The following GRIN2A variants were observed in gnomAD, a reference collection of about 807,000 sequenced individuals.
GRIN2A encodes the protein glutamate receptor ionotropic, NMDA 2A.
Under a neutral mutation model 113.4 loss-of-function variants are expected in GRIN2A, and 22 were observed. That is an observed-to-expected ratio of 0.19 (90% CI 0.14 to 0.28). The LOEUF is 0.28. Ranked by LOEUF, GRIN2A falls within the 10% of genes least tolerant of loss-of-function variation. The pLI, the probability that GRIN2A is intolerant of heterozygous loss-of-function variation, is 1.00. For missense variants in GRIN2A, 1,502 were observed against 1,887.0 expected, an observed-to-expected ratio of 0.80 and a Z score of 3.78; for synonymous variants, 827 against 738.4, an observed-to-expected ratio of 1.12 and a Z score of -1.94.
intron 2 of GRIN2A, among the ~76,000 whole-genome samples, chr16:10,149,021 C>T (rs1446369817): frequency 1.3e-5 from 2 of 152,132 alleles, no homozygotes; most frequent in African/African-American, 4.8e-5. Flanking sequence ...AAAATGAAAA[C>T]AGTTGAACCC....
intron 3 of GRIN2A, among the ~76,000 whole-genome samples, chr16:9,900,196 G>A (rs994600875): frequency 2.0e-5 from 3 of 152,208 alleles, no homozygotes; most frequent in Admixed American, 1.3e-4. Context: ...AAATGCTGGA[G>A]AATCATTTTG....
At chr16:9,790,077 C>T (rs1279062018) in intron 11 of GRIN2A, among the ~76,000 whole-genome samples, 9 of 152,186 alleles carry the variant, frequency 5.9e-5, no homozygotes, top group African/African-American at 1.9e-4. Context: ...TCCTGTCTTG[C>T]CTCTACTGTG....
rs541717545 is a variant in GRIN2A at position 10,050,370 on chromosome 16, T to C, written c.415-111819A>G. On this transcript the variant is annotated intron_variant, in intron 2 of 12. Transcript: ENST00000330684. ...AGGAGGTGAGCGGCAGGTGAGCAAGTGAAGCTTTATCTGTATTTATAGCTG... is the reference window on the plus strand; with the variant it reads ...AGGAGGTGAGCGGCAGGTGAGCAAGCGAAGCTTTATCTGTATTTATAGCTG... Among the ~76,000 whole-genome samples, 10 of 152,220 alleles carry C rather than the reference T, an allele frequency of 6.6e-5. No homozygotes were observed. The South Asian group carries it at 1.9e-3, about 28-fold the overall frequency.
chr16:9,833,878 C>A (rs1476965655), intron 8 of GRIN2A, among the ~76,000 whole-genome samples: 1 of 152,116 alleles, frequency 6.6e-6, no homozygotes, highest in African/African-American at 2.4e-5. Context: ...TGCCACCATG[C>A]CCAGCTAATT....
chr16:10,118,028 T>G (rs1242645719), intron 2 of GRIN2A, among the ~76,000 whole-genome samples: 1 of 152,122 alleles, frequency 6.6e-6, no homozygotes, highest in Non-Finnish European at 1.5e-5. Context: ...CAGCCAATGA[T>G]AATCTTGGGG....
At position 9,937,987 on chromosome 16, in the gene GRIN2A, G is replaced by T. The variant is rs771168389; in HGVS notation, c.979C>A (p.Pro327Thr). 6.2e-7 allele frequency: 1 copy of T among 1,613,842 alleles called. No individual in the cohort carries two copies. The highest frequency in any genetic ancestry group is 1.1e-5 in the South Asian group (1 of 91,068). The change falls in exon 3 of 13, where the codon CCA (proline) becomes ACA (threonine). Residue 327 changes from proline to threonine, a missense_variant. Pro to Thr is a conservative substitution (Grantham distance 38). This residue lies in a region of GRIN2A where 334 missense variants were observed against 403.0 expected (regional missense o/e 0.83). Coordinates refer to ENST00000330684, the MANE Select transcript of GRIN2A (RefSeq NM_001134407.3). ...TGCAAGGTGTGCATCGGGACCTCTGGCCTCTCCATCTGCCCGTAGCAGCTG... is the reference window on the plus strand; with the variant it reads ...TGCAAGGTGTGCATCGGGACCTCTGTCCTCTCCATCTGCCCGTAGCAGCTG... ...KASCYGQMERPEVPMHTLHPF... is the reference protein window; with the variant it reads ...KASCYGQMERTEVPMHTLHPF...
chr16:10,141,277 T>A (rs967301987), intron 2 of GRIN2A, among the ~76,000 whole-genome samples: 1 of 151,564 alleles, frequency 6.6e-6, no homozygotes, highest in African/African-American at 2.4e-5. Context: ...GATCATGAGG[T>A]CAGGAGTTCG....
intron 2 of GRIN2A, among the ~76,000 whole-genome samples, chr16:10,119,948 G>T (rs1234176451): frequency 6.6e-6 from 1 of 152,170 alleles, no homozygotes; most frequent in Non-Finnish European, 1.5e-5. Context: ...ACTCCATGCT[G>T]TATATGTACC....
intron 2 of GRIN2A, among the ~76,000 whole-genome samples, chr16:10,097,665 G>A (rs1415208463): frequency 2.6e-5 from 4 of 152,274 alleles, no homozygotes; most frequent in Admixed American, 2.6e-4. Context: ...GACAGGGATG[G>A]CTGATAAATG....
At chr16:9,900,524 C>T (rs2141514489) in intron 3 of GRIN2A, among the ~76,000 whole-genome samples, 1 of 152,268 alleles carries the variant, frequency 6.6e-6, no homozygotes, top group South Asian at 2.1e-4. Context: ...TATGACTCTC[C>T]TCCTCCCAAC....
In GRIN2A at chr16:9,760,619, G is replaced by A. The variant is rs2141119538; in HGVS notation, c.*2530C>T. 1 of 222,624 alleles carries A rather than the reference G, an allele frequency of 4.5e-6. No individual in the cohort carries two copies. The highest frequency in any genetic ancestry group is 6.6e-5 in the East Asian group (1 of 15,246). 13.8% of individuals were successfully genotyped at this position (222,624 alleles called of 1,614,324 possible). A position where few individuals can be genotyped will look rare whatever the true frequency, so the allele number is the denominator to read the frequency against. On this transcript the variant is annotated 3_prime_UTR_variant, in exon 13 of 13. Coordinates refer to ENST00000330684, the MANE Select transcript of GRIN2A (RefSeq NM_001134407.3). Reference sequence around the variant, plus strand: ...GGTTAATAGCAGAAATAATGCTGCTGTTAGGGGAAGGCTTTCTGACCGATG... The same window carrying A: ...GGTTAATAGCAGAAATAATGCTGCTATTAGGGGAAGGCTTTCTGACCGATG...
At position 9,764,463 on chromosome 16, in the gene GRIN2A, G is replaced by A; in HGVS notation, c.3081C>T (p.Ser1027=). 1.2e-6 allele frequency: 2 copies of A among 1,614,062 alleles called. No individual in the cohort carries two copies. Among genetic ancestry groups the A allele is most frequent in the Non-Finnish European group, 1.7e-6 (2 of 1,179,990 alleles). ...CATCCCTCTGGGAGACTGGATTCTGGGATAGTGAATCCTGGCGTATGGAAT... is the reference window on the plus strand; with the variant it reads ...CATCCCTCTGGGAGACTGGATTCTGAGATAGTGAATCCTGGCGTATGGAAT... The part of the protein sequence containing the change: ...SVDSIRQDSL[S]QNPVSQRDEA... Residue 1027 remains serine, a synonymous_variant, in exon 13 of 13, where the codon TCC becomes TCT. Coordinates refer to ENST00000330684, the MANE Select transcript of GRIN2A (RefSeq NM_001134407.3).
intron 2 of GRIN2A, among the ~76,000 whole-genome samples, chr16:10,116,436 A>T (rs1236408358): frequency 1.3e-5 from 2 of 152,240 alleles, no homozygotes; most frequent in African/African-American, 4.8e-5. Context: ...TAACAAACCT[A>T]TGTTCTGTAC....
chr16:9,872,866 C>T (rs1301660477), intron 4 of GRIN2A, among the ~76,000 whole-genome samples: 2 of 142,642 alleles, frequency 1.4e-5, no homozygotes, highest in African/African-American at 5.2e-5. Flanking sequence ...CCTATCTCTA[C>T]AAAAACAAAA....
chr16:9,797,742 C>T (rs1298193965), intron 11 of GRIN2A, among the ~76,000 whole-genome samples: 1 of 152,186 alleles, frequency 6.6e-6, no homozygotes, highest in East Asian at 1.9e-4. Flanking sequence ...CAACCACAGC[C>T]TACCAACATG....
rs1567266344 is a variant in GRIN2A at position 10,055,065 on chromosome 16, AAAAAAAAAAAAAAAAAAAAAGAAAAAAG to A, written c.415-116542_415-116515del. ...TCTATCTCAAAAAAAAAAAAAAAAAAAAAAAAAAAAAAAAAAAAAAGAAAAAAGAAAGAAAGAAAGAAAAAAGAAAAAA... is the reference window on the plus strand; with the variant it reads ...TCTATCTCAAAAAAAAAAAAAAAAAAAAAGAAAGAAAGAAAAAAGAAAAAA... On this transcript the variant is annotated intron_variant, in intron 2 of 12. Transcript: ENST00000330684. Among the ~76,000 whole-genome samples, 73 of 80,516 alleles carry A rather than the reference AAAAAAAAAAAAAAAAAAAAAGAAAAAAG, an allele frequency of 9.1e-4. 2 individuals are homozygous for A. Among genetic ancestry groups the A allele is most frequent in the East Asian group, 1.6e-3 (2 of 1,272 alleles). The allele number at this position is 80,516 out of a possible 152,430, so 52.8% of individuals were successfully genotyped here.
intron 2 of GRIN2A, among the ~76,000 whole-genome samples, chr16:10,141,980 C>T (rs1479425163): frequency 6.6e-6 from 1 of 152,220 alleles, no homozygotes; most frequent in Non-Finnish European, 1.5e-5. Context: ...CCTGCCTCAA[C>T]TTAGGAGAAG....
chr16:9,890,976 G>C lies in GRIN2A; in HGVS notation c.1122+10C>G. 1.3e-6 allele frequency: 2 copies of C among 1,538,436 alleles called. No homozygotes were observed. The highest frequency in any genetic ancestry group is 1.8e-6 in the Non-Finnish European group (2 of 1,111,044). On this transcript the variant is annotated intron_variant, in intron 4 of 12. Transcript: ENST00000330684. Reference sequence around the variant, plus strand: ...CCTCCCCTGCATTCAGCACACAGAAGGATGCTCACCTTTTCCCATTCCCGG... The same window carrying C: ...CCTCCCCTGCATTCAGCACACAGAACGATGCTCACCTTTTCCCATTCCCGG...
At chr16:9,878,366 G>A (rs2043412763) in intron 4 of GRIN2A, among the ~76,000 whole-genome samples, 2 of 152,170 alleles carry the variant, frequency 1.3e-5, no homozygotes, top group African/African-American at 4.8e-5. Flanking sequence ...ATTATACTTA[G>A]AACTGGCATC....
Sources: allele counts gnomAD v4.1 joint callset (sites outside exome capture counted in the v4.1 genomes callset), GRCh38; gene constraint gnomAD v4.1.1; regional missense constraint gnomAD v4.1.1; transcripts MANE v1.5; gene names NCBI Gene and HGNC (gene_info 2026-07-23, HGNC 2026-07-21).